SEMA3E: variants seen among roughly 807,000 people sequenced by gnomAD.
SEMA3E encodes semaphorin 3E.
Under a neutral mutation model 93.6 loss-of-function variants are expected in SEMA3E, and 49 were observed. The ratio of observed to expected loss-of-function variants is 0.52; its 90% confidence interval spans 0.42 to 0.66. The LOEUF is 0.66. SEMA3E is among the 30% of genes least tolerant of loss of function. The probability of loss-of-function intolerance (pLI) is 0.00; values close to 1 mark genes in which losing one functional copy is unlikely to be tolerated. For synonymous variants in SEMA3E, 363 were observed against 330.7 expected (o/e 1.10, Z -1.06); for missense variants, 906 against 964.8 (o/e 0.94, Z 0.81).
At chr7:83,577,096 C>A (rs1584342360) in intron 1 of SEMA3E, among the ~76,000 whole-genome samples, 1 of 152,232 alleles carries the variant, frequency 6.6e-6, no homozygotes, top group South Asian at 2.1e-4. Context: ...CACCTAATCA[C>A]TATTCAAAAC....
At chr7:83,466,354 C>T (rs1304688589) in intron 4 of SEMA3E, 128 bp downstream of exon 4, 3 of 1,146,092 alleles carry the variant, frequency 2.6e-6, no homozygotes, top group Admixed American at 3.8e-5. Context: ...TTCTCTGTCT[C>T]AAGCAAACTG....
rs573479330 is a variant in SEMA3E at position 83,403,741 on chromosome 7, C to T, written c.999-965G>A. On this transcript the variant is annotated intron_variant, in intron 9 of 16. Transcript: ENST00000643230. The stretch of plus-strand genomic sequence containing the variant: ...AGCAGTTATGTTACTGTCCTACACC[C>T]CCAATTTACACATTTTATAACACAC... 2.0e-5 allele frequency among the ~76,000 whole-genome samples: 3 copies of T among 151,962 alleles called. No individual in the cohort carries two copies. The East Asian group carries it at 5.8e-4, about 29-fold the overall frequency.
chr7:83,521,072 C>T (rs557843797), intron 1 of SEMA3E, among the ~76,000 whole-genome samples: 61 of 151,624 alleles, frequency 4.0e-4, no homozygotes, highest in Admixed American at 3.3e-3. Flanking sequence ...CGAGAAGGAC[C>T]TCAACTTTTA....
At chr7:83,409,563 G>A (rs564078292) in intron 5 of SEMA3E, among the ~76,000 whole-genome samples, 21 of 152,126 alleles carry the variant, frequency 1.4e-4, no homozygotes, top group African/African-American at 5.1e-4. Context: ...ATGCTTTTTT[G>A]TTAAGTTTGC....
chr7:83,556,347 C>T (rs78480428), intron 1 of SEMA3E, among the ~76,000 whole-genome samples: 14,975 of 152,118 alleles, frequency 0.098, 967 homozygotes, highest in East Asian at 0.2. Flanking sequence ...ACACTAAATG[C>T]CTACTGCTAG....
chr7:83,624,351 A>G (rs909044428), intron 1 of SEMA3E, among the ~76,000 whole-genome samples: 1 of 152,210 alleles, frequency 6.6e-6, no homozygotes, highest in Admixed American at 6.5e-5. Context: ...ACAGTGTAAA[A>G]GCATTCCTAT....
chr7:83,399,446 G>A (rs1160928752), intron 11 of SEMA3E, among the ~76,000 whole-genome samples: 1 of 152,156 alleles, frequency 6.6e-6, no homozygotes, highest in East Asian at 1.9e-4. Flanking sequence ...GGTTGATCTT[G>A]ACGTGAACTC....
chr7:83,601,271 T>C (rs1792990286), intron 1 of SEMA3E, among the ~76,000 whole-genome samples: 1 of 152,218 alleles, frequency 6.6e-6, no homozygotes, highest in Non-Finnish European at 1.5e-5. Context: ...ACTTGTTACT[T>C]GATCATTTCC....
At chr7:83,556,142 T>G (rs1463317727) in intron 1 of SEMA3E, among the ~76,000 whole-genome samples, 1 of 152,156 alleles carries the variant, frequency 6.6e-6, no homozygotes, top group Non-Finnish European at 1.5e-5. Flanking sequence ...TTCAGAAACT[T>G]ACTGATTTTC....
chr7:83,426,579 T>G (rs1788772593), intron 4 of SEMA3E, among the ~76,000 whole-genome samples: 1 of 152,074 alleles, frequency 6.6e-6, no homozygotes, highest in Non-Finnish European at 1.5e-5. Flanking sequence ...GGGACTATTC[T>G]CAGTACCTGG....
At chr7:83,557,914 T>C (rs570351808) in intron 1 of SEMA3E, among the ~76,000 whole-genome samples, 53 of 152,232 alleles carry the variant, frequency 3.5e-4, no homozygotes, top group African/African-American at 1.3e-3. Context: ...GCTTCCAAAA[T>C]ATTTAGCTTC....
chr7:83,461,715 C>A (rs912481582), intron 4 of SEMA3E, among the ~76,000 whole-genome samples: 7 of 152,212 alleles, frequency 4.6e-5, no homozygotes, highest in African/African-American at 1.7e-4. Flanking sequence ...AATCTGCTCC[C>A]GACATTAAAT....
At chr7:83,439,588 C>G (rs903305412) in intron 4 of SEMA3E, among the ~76,000 whole-genome samples, 1 of 152,142 alleles carries the variant, frequency 6.6e-6, no homozygotes, top group Non-Finnish European at 1.5e-5. Context: ...AAGCTGATAA[C>G]AATTAAATAA....
chr7:83,553,642 T>A (rs1791822550), intron 1 of SEMA3E, among the ~76,000 whole-genome samples: 1 of 152,180 alleles, frequency 6.6e-6, no homozygotes, highest in South Asian at 2.1e-4. Context: ...TTGGGGCTTT[T>A]AGGGACCTCA....
At chr7:83,464,360 C>A (rs1375025946) in intron 4 of SEMA3E, among the ~76,000 whole-genome samples, 1 of 150,766 alleles carries the variant, frequency 6.6e-6, no homozygotes, top group Admixed American at 6.7e-5. Flanking sequence ...AGACACCAGA[C>A]CAACTTAGAC....
chr7:83,645,893 T>A (rs1794073594), intron 1 of SEMA3E, among the ~76,000 whole-genome samples: 2 of 152,062 alleles, frequency 1.3e-5, no homozygotes, highest in African/African-American at 4.8e-5. Flanking sequence ...CATATTTTTA[T>A]ATAATTTAAC....
At chr7:83,573,465 G>A (rs1296695840) in intron 1 of SEMA3E, among the ~76,000 whole-genome samples, 1 of 151,882 alleles carries the variant, frequency 6.6e-6, no homozygotes, top group Non-Finnish European at 1.5e-5. Flanking sequence ...AGGAAATATT[G>A]ATATTGTCCA....
chr7:83,458,810 A>G (rs2115847761), intron 4 of SEMA3E, among the ~76,000 whole-genome samples: 2 of 150,352 alleles, frequency 1.3e-5, no homozygotes, highest in Middle Eastern at 3.5e-3. Flanking sequence ...TGTGTCTTAG[A>G]TCAATGCCTA....
At chr7:83,422,860 A>C (rs1788692267) in intron 4 of SEMA3E, among the ~76,000 whole-genome samples, 1 of 152,268 alleles carries the variant, frequency 6.6e-6, no homozygotes, top group Non-Finnish European at 1.5e-5. Context: ...ATGAAAACTG[A>C]AAGAATTTTA....
Sources: gnomAD v4.1 joint callset for allele counts (sites outside exome capture counted in the v4.1 genomes callset) on GRCh38, gnomAD v4.1.1 for gene constraint, MANE v1.5 for transcripts, NCBI Gene and HGNC (gene_info 2026-07-23, HGNC 2026-07-21) for gene names.